EBF3: variants seen among roughly 807,000 people sequenced by gnomAD.
EBF3 encodes the protein transcription factor COE3.
A neutral mutation model predicts 77.1 loss-of-function variants in EBF3; 18 were observed. The ratio of observed to expected loss-of-function variants is 0.23; its 90% CI spans 0.16 to 0.35. The LOEUF (loss-of-function observed/expected upper bound fraction) is 0.35. Among genes scored for constraint, EBF3 ranks in the 10% least tolerant of loss-of-function variants. The pLI is 1.00. For synonymous variants in EBF3, 350 were observed against 343.5 expected, an observed-to-expected ratio of 1.02 and a Z score of -0.21; for missense variants, 558 against 860.0, an observed-to-expected ratio of 0.65 and a Z score of 4.39.
intron 10 of EBF3, among the ~76,000 whole-genome samples, chr10:129,853,834 A>G (rs1346859929): frequency 2.0e-5 from 3 of 152,256 alleles, no homozygotes; most frequent in East Asian, 1.9e-4. Flanking sequence ...TCCAAGGGGG[A>G]AAAATGCCAA....
intron 6 of EBF3, among the ~76,000 whole-genome samples, chr10:129,914,305 A>ACGGCGTTGGGCATCAGTGCTCTGGG (rs1434601778): frequency 6.6e-6 from 1 of 152,098 alleles, no homozygotes; most frequent in Non-Finnish European, 1.5e-5. Context: ...TGGCAGGGGC[A>ACGGCGTTGGGCATCAGTGCTCTGGG]CGGCGTTGGG....
intron 6 of EBF3, among the ~76,000 whole-genome samples, chr10:129,936,916 T>C (rs1564906619): frequency 6.6e-6 from 1 of 151,804 alleles, no homozygotes; most frequent in East Asian, 2.0e-4. Flanking sequence ...GCCAAGAGAG[T>C]TCCTAATTCA....
chr10:129,896,074 T>C (rs1854349312), intron 6 of EBF3, among the ~76,000 whole-genome samples: 1 of 150,652 alleles, frequency 6.6e-6, no homozygotes, highest in Non-Finnish European at 1.5e-5. Context: ...AGCAAAGTCC[T>C]GACGCATGCA....
intron 10 of EBF3, among the ~76,000 whole-genome samples, chr10:129,858,209 C>T (rs554017801): frequency 1.3e-5 from 2 of 152,336 alleles, no homozygotes; most frequent in South Asian, 4.1e-4. Flanking sequence ...GCCCAATACC[C>T]TCCGTGGTGT....
At chr10:129,846,119 T>TGTGTGG (rs1554894196) in intron 11 of EBF3, among the ~76,000 whole-genome samples, 1 of 101,924 alleles carries the variant, frequency 9.8e-6, no homozygotes, top group Non-Finnish European at 2.1e-5. Context: ...TGTGTGTGTG[T>TGTGTGG]GTGTGTGTGT....
At chr10:129,921,169 CT>C (rs1246564736) in intron 6 of EBF3, among the ~76,000 whole-genome samples, 1 of 152,148 alleles carries the variant, frequency 6.6e-6, no homozygotes, top group Non-Finnish European at 1.5e-5. Context: ...AAAGAAATCA[CT>C]TTCGATGGTC....
chr10:129,942,330 G>A (rs1857816617), intron 6 of EBF3, among the ~76,000 whole-genome samples: 3 of 152,298 alleles, frequency 2.0e-5, no homozygotes, highest in South Asian at 2.1e-4. Flanking sequence ...AATATAAGAT[G>A]CATTGACAAA....
intron 6 of EBF3, among the ~76,000 whole-genome samples, chr10:129,898,069 C>T (rs1854519083): frequency 6.6e-6 from 1 of 152,222 alleles, no homozygotes; most frequent in South Asian, 2.1e-4. Context: ...TCCTGTTGGG[C>T]TCCCAGAGAC....
In EBF3 at chr10:129,952,812, G is replaced by A. The variant is rs1858764996; in HGVS notation, c.554+4446C>T. Among the ~76,000 whole-genome samples, 1 of 152,102 alleles carries A rather than the reference G, an allele frequency of 6.6e-6. No individual in the cohort carries two copies. The highest frequency in any genetic ancestry group is 1.5e-5 in the Non-Finnish European group (1 of 68,030). On this transcript the variant is annotated intron_variant, in intron 6 of 16. Transcript: ENST00000440978. This position sits in a 1 kb window ranked among gnomAD's most constrained non-coding sequence, Gnocchi z 4.7. ...ATAGCTAATAAAAAATATAATGAGT[G>A]TTCAGCAAAATCGGCATTAGGCCCA...
chr10:129,962,507 A>G (rs945209758), intron 3 of EBF3, among the ~76,000 whole-genome samples: 36 of 151,916 alleles, frequency 2.4e-4, no homozygotes, highest in African/African-American at 8.5e-4. Flanking sequence ...CGGTGGGCCC[A>G]TGTGGTCGTT....
chr10:129,942,782 T>C (rs1857866728), intron 6 of EBF3, among the ~76,000 whole-genome samples: 1 of 152,218 alleles, frequency 6.6e-6, no homozygotes. Context: ...AATAAAAAAT[T>C]GTATTAAATA....
At chr10:129,908,481 G>A (rs762260704) in intron 6 of EBF3, among the ~76,000 whole-genome samples, 3 of 152,190 alleles carry the variant, frequency 2.0e-5, no homozygotes, top group Non-Finnish European at 2.9e-5. Flanking sequence ...GGATTAGGGC[G>A]AATACAAATC....
intron 16 of EBF3, 146 bp from the exon 17 acceptor site, chr10:129,838,106 A>G (rs1245527778): frequency 2.1e-6 from 2 of 958,338 alleles, no homozygotes; most frequent in Non-Finnish European, 3.1e-6. Flanking sequence ...GGGCGTGGTT[A>G]GGGCGTGCTG....
chr10:129,959,051 G>A, intron 4 of EBF3, 44 bp from the exon 5 acceptor site: 1 of 1,595,522 alleles, frequency 6.3e-7, no homozygotes, highest in South Asian at 1.1e-5. Context: ...CGGCGCCCGC[G>A]GCTTTGGCGC....
At chr10:129,925,132 T>C (rs1424579832) in intron 6 of EBF3, among the ~76,000 whole-genome samples, 1 of 151,968 alleles carries the variant, frequency 6.6e-6, no homozygotes, top group African/African-American at 2.4e-5. Flanking sequence ...CAAAAGTAAT[T>C]GCAGTTTTTG....
chr10:129,854,919 T>G (rs1404826505), intron 10 of EBF3, among the ~76,000 whole-genome samples: 1 of 152,228 alleles, frequency 6.6e-6, no homozygotes, highest in Non-Finnish European at 1.5e-5. Flanking sequence ...CTCCCCAGCC[T>G]GGCAGGAAGA....
chr10:129,889,261 G>A (rs868716), intron 6 of EBF3, among the ~76,000 whole-genome samples: 2,806 of 152,344 alleles, frequency 0.018, 93 homozygotes, highest in African/African-American at 0.065. Flanking sequence ...GGTCTACAGA[G>A]AGCATGGGGG....
In EBF3 at chr10:129,963,864, T is replaced by C; in HGVS notation, c.-96A>G. The C allele has an allele frequency of 1.6e-6, 2 of 1,281,668 alleles. No individual in the cohort carries two copies. The allele number at this position is 1,281,668 out of a possible 1,614,324, so 79.4% of individuals were successfully genotyped here. ...CGGCAGGCGGCTGCCCTGGCCGCCC[T>C]CGCCCTGCTCGGCGCCTGCGGTCCG... is the stretch of plus-strand genomic sequence containing the variant. On this transcript the variant is annotated 5_prime_UTR_variant, in exon 1 of 17. Transcript: ENST00000440978. The surrounding 1 kb of genome is among the most constrained non-coding windows in gnomAD (Gnocchi z 7.1).
At position 129,837,598 on chromosome 10, in the gene EBF3, C is replaced by T; in HGVS notation, c.*345G>A. 1 of 288,620 alleles carries T rather than the reference C, an allele frequency of 3.5e-6. No homozygotes were observed. The highest frequency in any genetic ancestry group is 6.5e-6 in the Non-Finnish European group (1 of 154,070). 17.9% of individuals were successfully genotyped at this position (288,620 alleles called of 1,614,324 possible). ...TGCATTCACAAAGTTTCTCCCAACACATAGCAATTACTAGACATGGCCAAG... is the reference window on the plus strand; with the variant it reads ...TGCATTCACAAAGTTTCTCCCAACATATAGCAATTACTAGACATGGCCAAG... On this transcript the variant is annotated 3_prime_UTR_variant, in exon 17 of 17. Transcript: ENST00000440978.
Sources: allele counts gnomAD v4.1 joint callset (sites outside exome capture counted in the v4.1 genomes callset), GRCh38; gene constraint gnomAD v4.1.1; non-coding constraint Gnocchi (gnomAD v3.1); transcripts MANE v1.5; gene names NCBI Gene and HGNC (gene_info 2026-07-23, HGNC 2026-07-21).